AGBL4: variants seen among roughly 807,000 people sequenced by gnomAD.
The protein encoded by AGBL4 is AGBL carboxypeptidase 4.
In AGBL4, 58 loss-of-function variants were observed where a neutral mutation model predicts 66.4. The observed-to-expected ratio is 0.87, with a 90% CI of 0.71 to 1.09. AGBL4 has a LOEUF of 1.09. Ranked by LOEUF, AGBL4 falls within the 50% of genes least tolerant of loss-of-function variation. The probability of loss-of-function intolerance (pLI) is 0.00; values close to 1 mark genes in which losing one functional copy is unlikely to be tolerated. For synonymous variants in AGBL4, 234 were observed against 222.9 expected (o/e 1.05, Z -0.44); for missense variants, 579 against 631.0 (o/e 0.92, Z 0.88).
intron 6 of AGBL4, among the ~76,000 whole-genome samples, chr1:48,775,479 T>A (rs995931418): frequency 6.6e-6 from 1 of 152,090 alleles, no homozygotes; most frequent in African/African-American, 2.4e-5. Context: ...CTTCATTCAG[T>A]CACTAACCCT....
At chr1:48,779,092 GGAA>G (rs1264833063) in intron 6 of AGBL4, among the ~76,000 whole-genome samples, 2 of 152,140 alleles carry the variant, frequency 1.3e-5, no homozygotes, top group Non-Finnish European at 2.9e-5. Context: ...GTGGTCAAGG[GGAA>G]GTAATGTGCA....
chr1:49,214,765 T>A (rs184909629), intron 4 of AGBL4, among the ~76,000 whole-genome samples: 11 of 152,166 alleles, frequency 7.2e-5, no homozygotes, highest in Non-Finnish European at 1.3e-4. Flanking sequence ...AAGCCTCCTG[T>A]TTAGAAAAAA....
chr1:49,648,714 T>C (rs1645941480), intron 3 of AGBL4, among the ~76,000 whole-genome samples: 1 of 151,758 alleles, frequency 6.6e-6, no homozygotes, highest in Admixed American at 6.6e-5. Context: ...GAGTAAAATA[T>C]TGAAAGTGTG....
intron 3 of AGBL4, among the ~76,000 whole-genome samples, chr1:49,486,589 CCT>C (rs1042200102): frequency 3.9e-5 from 6 of 151,980 alleles, no homozygotes; most frequent in Non-Finnish European, 8.8e-5. Flanking sequence ...CCTATTCAGG[CCT>C]CTCTCTCTGG....
intron 2 of AGBL4, among the ~76,000 whole-genome samples, chr1:49,797,673 G>A (rs1644763100): frequency 6.6e-6 from 1 of 152,104 alleles, no homozygotes; most frequent in Non-Finnish European, 1.5e-5. Context: ...TTGAAACACT[G>A]GCCTCAAGCA....
chr1:48,790,131 C>G (rs1645511841), intron 6 of AGBL4, among the ~76,000 whole-genome samples: 1 of 151,752 alleles, frequency 6.6e-6, no homozygotes, highest in Non-Finnish European at 1.5e-5. Flanking sequence ...CAATTTGGAC[C>G]TGTGCACCCT....
At chr1:48,784,077 G>A (rs1645357604) in intron 6 of AGBL4, among the ~76,000 whole-genome samples, 1 of 152,020 alleles carries the variant, frequency 6.6e-6, no homozygotes, top group Non-Finnish European at 1.5e-5. Flanking sequence ...CTATTCTTAT[G>A]GTGTGGCCTT....
At chr1:48,591,776 A>G (rs1644922534) in intron 9 of AGBL4, among the ~76,000 whole-genome samples, 1 of 152,194 alleles carries the variant, frequency 6.6e-6, no homozygotes, top group Non-Finnish European at 1.5e-5. Context: ...TGCAGTCTGT[A>G]AAGATGGCAT....
chr1:49,605,289 T>C (rs191483016), intron 3 of AGBL4, among the ~76,000 whole-genome samples: 2 of 152,220 alleles, frequency 1.3e-5, no homozygotes, highest in African/African-American at 4.8e-5. Flanking sequence ...AGCGGGTAGG[T>C]TGAATTTCTA....
intron 2 of AGBL4, among the ~76,000 whole-genome samples, chr1:49,819,192 C>T (rs1357659965): frequency 2.6e-5 from 4 of 152,102 alleles, no homozygotes; most frequent in African/African-American, 9.7e-5. Flanking sequence ...TTTTGACCCC[C>T]TGAAAATAGA....
chr1:48,954,682 A>T (rs1334711663), intron 5 of AGBL4, among the ~76,000 whole-genome samples: 1 of 152,244 alleles, frequency 6.6e-6, no homozygotes, highest in Non-Finnish European at 1.5e-5. Context: ...TTCTATGAGT[A>T]TGATGTAAAC....
chr1:49,268,434 A>ACG (rs1411934008), intron 3 of AGBL4, among the ~76,000 whole-genome samples: 2 of 149,830 alleles, frequency 1.3e-5, no homozygotes, highest in Non-Finnish European at 3.0e-5. Context: ...ACACACACAC[A>ACG]CACACACACA....
At chr1:49,083,681 G>A (rs1479709991) in intron 4 of AGBL4, among the ~76,000 whole-genome samples, 5 of 152,124 alleles carry the variant, frequency 3.3e-5, no homozygotes, top group Admixed American at 6.5e-5. Context: ...TTGGCTCCTC[G>A]TTATTTATGC....
At chr1:49,408,353 T>C (rs1278479638) in intron 3 of AGBL4, among the ~76,000 whole-genome samples, 1 of 152,258 alleles carries the variant, frequency 6.6e-6, no homozygotes. Flanking sequence ...CTTCGCAATC[T>C]ATAAAATAAA....
chr1:49,448,861 G>A (rs968032785), intron 3 of AGBL4, among the ~76,000 whole-genome samples: 4 of 150,882 alleles, frequency 2.7e-5, no homozygotes, highest in African/African-American at 4.8e-5. Flanking sequence ...ACTAAGACAG[G>A]TGGGGACTTA....
rs1381347340 is a variant in AGBL4 at position 48,869,274 on chromosome 1, C to T, written c.595-2044G>A. ...TATCCTAGCACTGATATGAAACACC[C>T]ACCCACGCATGTGGGCTAGAAGGAA... is the stretch of plus-strand genomic sequence containing the variant. On this transcript the variant is annotated intron_variant, in intron 5 of 13. Coordinates refer to ENST00000371839, the MANE Select transcript of AGBL4 (RefSeq NM_032785.4). Among the ~76,000 whole-genome samples, 3 of 152,298 alleles carry T rather than the reference C, an allele frequency of 2.0e-5. No individual in the cohort carries two copies. The East Asian group carries it at 5.8e-4, about 30-fold the overall frequency.
Position 48,539,702 on chromosome 1 carries a change from A to G in AGBL4, c.1304T>C (p.Leu435Ser). ...CACGGGGTTCAGCCGATAATAGTCC[A>G]AAAAGGTTCTTGCCACATTCCGCCC... ...KLGRNVARTF[L>S]DYYRLNPVVE... is the part of the protein sequence containing the mutation. The change falls in exon 12 of 14, where the codon TTG becomes TCG. Residue 435 changes from leucine to serine, a missense_variant. Transcript: ENST00000371839. 6.5e-7 allele frequency: 1 copy of G among 1,543,578 alleles called. No homozygotes were observed. Among genetic ancestry groups the G allele is most frequent in the South Asian group, 1.2e-5 (1 of 83,052 alleles).
intron 6 of AGBL4, among the ~76,000 whole-genome samples, chr1:48,825,788 A>G (rs7537697): frequency 0.98 from 148,766 of 152,288 alleles, 72,744 homozygotes; most frequent in East Asian, 1. Flanking sequence ...AAATGGAAAT[A>G]TCTCTTGGAG....
chr1:49,103,341 G>C (rs943837699), intron 4 of AGBL4, among the ~76,000 whole-genome samples: 1 of 152,318 alleles, frequency 6.6e-6, no homozygotes, highest in Non-Finnish European at 1.5e-5. Context: ...GAGGGTCAAA[G>C]GTTAGACTGA....
Sources: allele counts gnomAD v4.1 joint callset (sites outside exome capture counted in the v4.1 genomes callset), GRCh38; gene constraint gnomAD v4.1.1; transcripts MANE v1.5; gene names NCBI Gene and HGNC (gene_info 2026-07-23, HGNC 2026-07-21).